Variants in PAX8 observed in about 807,000 individuals in gnomAD.
The protein encoded by PAX8 is paired box 8.
PAX8 carries 15 observed loss-of-function variants against 52.4 expected under a neutral mutation model. The ratio of observed to expected loss-of-function variants is 0.29; its 90% CI spans 0.19 to 0.44. The LOEUF (loss-of-function observed/expected upper bound fraction) is 0.44. Ranked by LOEUF, PAX8 falls within the 20% of genes least tolerant of loss-of-function variation. The pLI is 1.00. For synonymous variants in PAX8, 284 were observed against 249.7 expected, an observed-to-expected ratio of 1.14 and a Z score of -1.29; for missense variants, 554 against 602.5, an observed-to-expected ratio of 0.92 and a Z score of 0.84.
chr2:113,249,605 C>T (rs900796017), intron 2 of PAX8, among the ~76,000 whole-genome samples: 4 of 151,926 alleles, frequency 2.6e-5, no homozygotes, highest in South Asian at 2.1e-4. Context: ...AAGAAAACGA[C>T]GCTGTAAGTT....
chr2:113,246,867 C>T lies in PAX8; in HGVS notation c.78G>A (p.Leu26=), dbSNP rs766493114. Reference sequence around the variant, plus strand: ...CGATGCGCTGGCGGACCACTTCCGGCAGAGGTCTGCCATTCACAAAGGCCC... The same window carrying T: ...CGATGCGCTGGCGGACCACTTCCGGTAGAGGTCTGCCATTCACAAAGGCCC... The part of the protein sequence containing the change: ...LGGAFVNGRP[L]PEVVRQRIVD... Residue 26 remains leucine, a synonymous_variant, in exon 3 of 12, where the codon CTG becomes CTA. Coordinates refer to ENST00000429538, the MANE Select transcript of PAX8 (RefSeq NM_003466.4). 18 of 1,614,072 alleles carry T rather than the reference C, an allele frequency of 1.1e-5. No individual in the cohort carries two copies. The African/African-American group carries it at 2.0e-4, about 18-fold the overall frequency.
Position 113,244,678 on chromosome 2 carries a change from G to A in PAX8, c.192-54C>T, listed in dbSNP as rs929116488. ...ACCCAATAAGCAGGTGGGGTCTTTA[G>A]ACAGGGATTTAGCCAGAGCCTCCCT... On this transcript the variant is annotated intron_variant, in intron 3 of 11. Transcript: ENST00000429538. The A allele has an allele frequency of 9.7e-6, 15 of 1,544,800 alleles. 1 individual carries two copies. In the African/African-American group the frequency reaches 1.9e-4, roughly 20 times the overall value.
At chr2:113,219,299 T>C (rs1463105917) in intron 11 of PAX8, among the ~76,000 whole-genome samples, 1 of 152,114 alleles carries the variant, frequency 6.6e-6, no homozygotes, top group African/African-American at 2.4e-5. Context: ...TAGCCTGCAA[T>C]GGTGCCTGTG....
At chr2:113,277,506 G>A (rs1049284720) in intron 2 of PAX8, among the ~76,000 whole-genome samples, 6 of 152,300 alleles carry the variant, frequency 3.9e-5, no homozygotes, top group African/African-American at 1.2e-4. Flanking sequence ...ATAGCGATGC[G>A]CCCTGGCCCC....
At chr2:113,236,857 C>G in intron 7 of PAX8, 136 bp from the exon 8 acceptor site, 2 of 993,864 alleles carry the variant, frequency 2.0e-6, no homozygotes, top group Non-Finnish European at 2.9e-6. Context: ...TCTTCCTTTA[C>G]GTTCTCAACT....
intron 2 of PAX8, among the ~76,000 whole-genome samples, chr2:113,256,395 A>T (rs1404563988): frequency 6.6e-6 from 1 of 152,338 alleles, no homozygotes; most frequent in Middle Eastern, 3.4e-3. Flanking sequence ...TGCTGGGGGC[A>T]TGTGAGGCTG....
At chr2:113,270,546 G>A (rs1693399978) in intron 2 of PAX8, 1 of 152,138 alleles carries the variant, frequency 6.6e-6, no homozygotes, top group East Asian at 1.9e-4. Flanking sequence ...GACACCTCAT[G>A]GCCCCTGAGT....
intron 7 of PAX8, chr2:113,238,049 G>A (rs1388799982): frequency 6.6e-6 from 1 of 151,510 alleles, no homozygotes; most frequent in Non-Finnish European, 1.5e-5. Flanking sequence ...TAGAGGCAGG[G>A]TGGAGTTGCT....
intron 9 of PAX8, among the ~76,000 whole-genome samples, chr2:113,232,619 G>A (rs1409175122): frequency 6.6e-6 from 1 of 152,182 alleles, no homozygotes; most frequent in East Asian, 1.9e-4. Context: ...GAGTGGGCAT[G>A]TCCACTAAAT....
Position 113,252,442 on chromosome 2 carries a change from C to T in PAX8, c.26-5523G>A, listed in dbSNP as rs531909597. 2.0e-4 allele frequency among the ~76,000 whole-genome samples: 31 copies of T among 152,270 alleles called. No homozygotes were observed. The South Asian group carries it at 6.2e-3, about 31-fold the overall frequency. On this transcript the variant is annotated intron_variant, in intron 2 of 11. Coordinates refer to ENST00000429538, the MANE Select transcript of PAX8 (RefSeq NM_003466.4). ...GAGTAAAGGCCAGGGTCTGTGCCTC[C>T]AACTGCTCCTGAAGAAAGTGTCCCA...
intron 7 of PAX8, chr2:113,238,547 C>G (rs1355931732): frequency 6.6e-6 from 1 of 152,304 alleles, no homozygotes; most frequent in Admixed American, 6.5e-5. Flanking sequence ...ATAGTCAAAT[C>G]TTTTGGTGAT....
At position 113,235,660 on chromosome 2, in the gene PAX8, G is replaced by A. The variant is rs1198692473; in HGVS notation, c.899-78C>T. Reference sequence around the variant, plus strand: ...GGAACACGCACAAGCCAAGCCGTGGGATGTGGAGGGTGCGGGCGGGGCGCG... The same window carrying A: ...GGAACACGCACAAGCCAAGCCGTGGAATGTGGAGGGTGCGGGCGGGGCGCG... On this transcript the variant is annotated intron_variant, in intron 8 of 11. Transcript: ENST00000429538. The A allele has an allele frequency of 6.4e-6, 8 of 1,259,744 alleles. No individual in the cohort carries two copies. In the African/African-American group the frequency reaches 7.4e-5, roughly 12 times the overall value. The allele number at this position is 1,259,744 out of a possible 1,614,324, so 78.0% of individuals were successfully genotyped here. A position where few individuals can be genotyped will look rare whatever the true frequency, so the allele number is the denominator to read the frequency against.
At chr2:113,236,946 A>T in intron 7 of PAX8, 1 of 583,736 alleles carries the variant, frequency 1.7e-6, no homozygotes, top group Non-Finnish European at 3.0e-6. Flanking sequence ...ATGGGTGCCC[A>T]GACGTGGGAT....
chr2:113,257,230 G>T (rs1233766204), intron 2 of PAX8, among the ~76,000 whole-genome samples: 4 of 152,130 alleles, frequency 2.6e-5, no homozygotes, highest in African/African-American at 7.2e-5. Context: ...ATGCCTGGAG[G>T]GGTAGGAAAT....
Position 113,246,810 on chromosome 2 carries a change from G to T in PAX8, c.135C>A (p.Cys45Ter). ...TGACGCGGAGCTGGCGAGAGATGTC[G>T]CAGGGCCTTACACCCTGGTGGGCCA... is the stretch of plus-strand genomic sequence containing the variant. ...VDLAHQGVRPCDISRQLRVSH... is the reference protein window; with the variant it reads ...VDLAHQGVRP The change falls in exon 3 of 12, where the codon TGC becomes TGA. Residue 45 changes from cysteine to a stop codon, truncating the protein, a stop_gained. Coordinates refer to ENST00000429538, the MANE Select transcript of PAX8 (RefSeq NM_003466.4). LOFTEE classifies it high-confidence loss of function. 6.2e-7 allele frequency: 1 copy of T among 1,614,176 alleles called. No homozygotes were observed. The highest frequency in any genetic ancestry group is 8.5e-7 in the Non-Finnish European group (1 of 1,180,004).
chr2:113,224,736 C>A (rs1573407419), intron 10 of PAX8, among the ~76,000 whole-genome samples: 1 of 150,964 alleles, frequency 6.6e-6, no homozygotes, highest in East Asian at 1.9e-4. Context: ...TCTGGAGCTG[C>A]TGGTTCTGCT....
Position 113,242,079 on chromosome 2 carries a change from C to A in PAX8, c.530G>T (p.Gly177Val), listed in dbSNP as rs201419236. 2.3e-5 allele frequency: 37 copies of A among 1,613,624 alleles called. No individual in the cohort carries two copies. The highest frequency in any genetic ancestry group is 3.0e-5 in the Non-Finnish European group (35 of 1,179,686). ...PPESPQSDSL[G>V]STYSINGLLG... ...GAGCCCATTGATGGAGTAGGTGGAG[C>A]CCAGGGAATCCGACTGGGGTGACTC... The change falls in exon 6 of 12, where the codon GGC (glycine) becomes GTC (valine). Residue 177 changes from glycine (G) to valine (V), a missense_variant. By Grantham distance (109) the Gly-to-Val change is moderately radical (BLOSUM62 -3). Around this residue, in one of 2 missense-constraint regions of PAX8, gnomAD observed 445 missense variants for 409.9 expected, o/e 1.09. Transcript: ENST00000429538.
intron 2 of PAX8, among the ~76,000 whole-genome samples, chr2:113,255,229 AGGGGAGGAGGGAG>A (rs1692139023): frequency 3.1e-5 from 2 of 65,572 alleles, no homozygotes; most frequent in Non-Finnish European, 3.1e-5. Flanking sequence ...GGGAGGAGGG[AGGGGAGGAGGGAG>A]GGGAGGAGGG....
intron 2 of PAX8, among the ~76,000 whole-genome samples, chr2:113,256,728 T>C (rs1692293607): frequency 6.6e-6 from 1 of 151,856 alleles, no homozygotes; most frequent in African/African-American, 2.4e-5. Flanking sequence ...GATGAGTGGG[T>C]GAGGTTCATG....
Sources: gnomAD v4.1 joint callset for allele counts (sites outside exome capture counted in the v4.1 genomes callset) on GRCh38, gnomAD v4.1.1 for gene constraint, gnomAD v4.1.1 regional missense constraint, MANE v1.5 for transcripts, NCBI Gene and HGNC (gene_info 2026-07-23, HGNC 2026-07-21) for gene names.